SH3TC2: variants seen among roughly 807,000 people sequenced by gnomAD.
The protein encoded by SH3TC2 is SH3 domain and tetratricopeptide repeats 2, also known as SH3 domain and tetratricopeptide repeat-containing protein 2.
Under a neutral mutation model 124.5 loss-of-function variants are expected in SH3TC2, and 87 were observed. That is an observed-to-expected ratio of 0.70 (90% CI 0.59 to 0.84). The LOEUF (loss-of-function observed/expected upper bound fraction) is 0.84. SH3TC2 is among the 40% of genes least tolerant of loss of function. The probability of loss-of-function intolerance (pLI) is 0.00; values close to 1 mark genes in which losing one functional copy is unlikely to be tolerated. For synonymous variants in SH3TC2, 634 were observed against 628.5 expected (o/e 1.01, Z -0.13); for missense variants, 1,536 against 1,566.4 (o/e 0.98, Z 0.33).
intron 2 of SH3TC2, among the ~76,000 whole-genome samples, chr5:149,050,692 G>GA (rs1345617264): frequency 6.6e-6 from 1 of 152,172 alleles, no homozygotes; most frequent in African/African-American, 2.4e-5. Context: ...GACAGAATTT[G>GA]AAATTGGGCT....
At position 148,999,497 on chromosome 5, in the gene SH3TC2, C is replaced by T. The variant is rs941357999; in HGVS notation, c.*5214G>A. On this transcript the variant is annotated 3_prime_UTR_variant, in exon 17 of 17. Transcript: ENST00000515425. ...TCCCTTGAATTTCTTCCTTCTTTGC[C>T]GCTTGTCCACACATCTCAATGGGAG... 2.6e-5 allele frequency among the ~76,000 whole-genome samples: 4 copies of T among 152,114 alleles called. No individual in the cohort carries two copies. Among genetic ancestry groups the T allele is most frequent in the African/African-American group, 4.8e-5 (2 of 41,422 alleles).
chr5:149,004,802 T>C lies in SH3TC2; in HGVS notation c.3776A>G (p.Asn1259Ser). The change falls in exon 17 of 17, where the codon AAC becomes AGC. Residue 1259 changes from asparagine to serine, a missense_variant. Asn to Ser is a conservative substitution (Grantham distance 46, BLOSUM62 1). Coordinates refer to ENST00000515425, the MANE Select transcript of SH3TC2 (RefSeq NM_024577.4). ...LQDTIRSRLDNICQSPLWHSR... is the reference protein window; with the variant it reads ...LQDTIRSRLDSICQSPLWHSR... Reference sequence around the variant, plus strand: ...GTGCCACAGGGGGCTCTGGCAGATGTTGTCCAGCCTGCTCCTAATGGTGTC... The same window carrying C: ...GTGCCACAGGGGGCTCTGGCAGATGCTGTCCAGCCTGCTCCTAATGGTGTC... 6.2e-7 allele frequency: 1 copy of C among 1,614,110 alleles called. No individual in the cohort carries two copies. Among genetic ancestry groups the C allele is most frequent in the Non-Finnish European group, 8.5e-7 (1 of 1,180,020 alleles).
rs752622562 is a variant in SH3TC2 at position 149,012,669 on chromosome 5, G to C, written c.3119C>G (p.Thr1040Arg). The C allele has an allele frequency of 1.1e-5, 17 of 1,614,180 alleles. No homozygotes were observed. In the East Asian group the frequency reaches 3.8e-4, roughly 36 times the overall value. The change falls in exon 13 of 17, where the codon ACA becomes AGA. Residue 1040 changes from threonine (T) to arginine (R), a missense_variant. Thr to Arg is a moderately conservative substitution (Grantham distance 71). Around this residue, in one of 3 missense-constraint regions of SH3TC2, gnomAD observed 426 missense variants for 443.5 expected, o/e 0.96. Coordinates refer to ENST00000515425, the MANE Select transcript of SH3TC2 (RefSeq NM_024577.4). ...SLRIFIDLGETDKAAEAWLGA... is the reference protein window; with the variant it reads ...SLRIFIDLGERDKAAEAWLGA... ...AAGCCAGGCCTCAGCAGCCTTGTCT[G>C]TCTCCCCCAGGTCAATGAAGATACG...
At position 148,986,542 on chromosome 5, in the gene SH3TC2, C is replaced by G. The variant is rs916474829; in HGVS notation, c.*18169G>C. Among the ~76,000 whole-genome samples the G allele has an allele frequency of 1.4e-4, 22 of 152,216 alleles. No individual in the cohort carries two copies. Among genetic ancestry groups the G allele is most frequent in the Admixed American group, 3.9e-4 (6 of 15,282 alleles). Reference sequence around the variant, plus strand: ...AGTTAAGATCTGCCAGGGTAGCAACCTCCATCAACTACATTGCTTAGAATG... The same window carrying G: ...AGTTAAGATCTGCCAGGGTAGCAACGTCCATCAACTACATTGCTTAGAATG... On this transcript the variant is annotated 3_prime_UTR_variant, in exon 17 of 17. Coordinates refer to ENST00000515425, the MANE Select transcript of SH3TC2 (RefSeq NM_024577.4).
chr5:149,005,527 C>T (rs141515807), intron 16 of SH3TC2, among the ~76,000 whole-genome samples: 1 of 152,108 alleles, frequency 6.6e-6, no homozygotes, highest in African/African-American at 2.4e-5. Flanking sequence ...CTTTACAATC[C>T]GTGGAGTTCT....
rs1202867356 is a variant in SH3TC2 at position 148,998,002 on chromosome 5, G to A, written c.*6709C>T. 6.6e-6 allele frequency among the ~76,000 whole-genome samples: 1 copy of A among 152,134 alleles called. No individual in the cohort carries two copies. Among genetic ancestry groups the A allele is most frequent in the Non-Finnish European group, 1.5e-5 (1 of 68,022 alleles). ...TACATAGAAAAGAACAAAGGCTGGA[G>A]CCCTCCTGCACTTTTTTAGAGACCA... On this transcript the variant is annotated 3_prime_UTR_variant, in exon 17 of 17. Coordinates refer to ENST00000515425, the MANE Select transcript of SH3TC2 (RefSeq NM_024577.4).
intron 13 of SH3TC2, 30 bp downstream of exon 13, chr5:149,012,554 A>G: frequency 6.2e-7 from 1 of 1,613,970 alleles, no homozygotes; most frequent in Non-Finnish European, 8.5e-7. Context: ...CCAAGTCAAC[A>G]ACTCCCAGAG....
chr5:149,033,877 C>T (rs1032265677), intron 8 of SH3TC2, among the ~76,000 whole-genome samples: 2 of 152,154 alleles, frequency 1.3e-5, no homozygotes, highest in Non-Finnish European at 2.9e-5. Flanking sequence ...GAAGCAAATG[C>T]AAAACCTAGT....
chr5:149,052,703 T>C (rs1754578680), intron 1 of SH3TC2, among the ~76,000 whole-genome samples: 1 of 152,216 alleles, frequency 6.6e-6, no homozygotes, highest in Non-Finnish European at 1.5e-5. Flanking sequence ...AGCTGTCCTG[T>C]CTGCCCCTTA....
In SH3TC2 at chr5:149,027,219, A is replaced by G. The variant is rs746454599; in HGVS notation, c.2513T>C (p.Ile838Thr). 2 of 1,614,214 alleles carry G rather than the reference A, an allele frequency of 1.2e-6. No individual in the cohort carries two copies. Among genetic ancestry groups the G allele is most frequent in the South Asian group, 2.2e-5 (2 of 91,090 alleles). ...GAGTGCAAGTCCCAGGAGGTTATAG[A>G]TGACTCCCCTTTGAGTGAGACTCTC... ...ETESLTQRGVIYNLLGLALQG... is the reference protein window; with the variant it reads ...ETESLTQRGVTYNLLGLALQG... Residue 838 changes from isoleucine (I) to threonine (T), a missense_variant, in exon 11 of 17, where the codon ATC (isoleucine) becomes ACC (threonine). Around this residue, in one of 3 missense-constraint regions of SH3TC2, gnomAD observed 1,102 missense variants for 1,098.6 expected, o/e 1.00. Transcript: ENST00000515425.
rs1293958398 is a variant in SH3TC2, at chr5:149,027,831, C to G, written c.1901G>C (p.Arg634Thr). The G allele has an allele frequency of 4.3e-6, 7 of 1,613,758 alleles. No individual in the cohort carries two copies. The African/African-American group carries it at 9.3e-5, about 22-fold the overall frequency. ...IVVGSSPLEA[R>T]ACFLAIRLLL... ...CAAGCGGATGGCCAGAAAGCAGGCC[C>G]TGGCCTCCAGCGGGCTGCTGCCCAC... The change falls in exon 11 of 17, where the codon AGG (arginine) becomes ACG (threonine). Residue 634 changes from arginine to threonine, a missense_variant. Transcript: ENST00000515425.
At position 148,982,202 on chromosome 5, in the gene SH3TC2, C is replaced by G. The variant is rs1238121646; in HGVS notation, c.*22509G>C. ...GTTTAAATTTTAAAACATTGAGATA[C>G]CACCTCACAACTATTAAACACTCAA... On this transcript the variant is annotated 3_prime_UTR_variant, in exon 17 of 17. Coordinates refer to ENST00000515425, the MANE Select transcript of SH3TC2 (RefSeq NM_024577.4). Among the ~76,000 whole-genome samples, 1 of 151,840 alleles carries G rather than the reference C, an allele frequency of 6.6e-6. No individual in the cohort carries two copies. Among genetic ancestry groups the G allele is most frequent in the East Asian group, 1.9e-4 (1 of 5,160 alleles).
intron 8 of SH3TC2, chr5:149,035,439 C>A (rs183532625): frequency 6.5e-6 from 1 of 152,688 alleles, no homozygotes; most frequent in Non-Finnish European, 1.5e-5. Flanking sequence ...CTTCTCAGAC[C>A]CTGACACCCA....
chr5:148,987,328 A>G lies in SH3TC2; in HGVS notation c.*17383T>C, dbSNP rs562472169. On this transcript the variant is annotated 3_prime_UTR_variant, in exon 17 of 17. Transcript: ENST00000515425. Reference sequence around the variant, plus strand: ...CAAGTGCCAAGAGGACAAGAACTTTATAAGTTTTTTTCATTGATCTATTGC... The same window carrying G: ...CAAGTGCCAAGAGGACAAGAACTTTGTAAGTTTTTTTCATTGATCTATTGC... Among the ~76,000 whole-genome samples the G allele has an allele frequency of 6.6e-6, 1 of 152,222 alleles. No homozygotes were observed. The highest frequency in any genetic ancestry group is 1.5e-5 in the Non-Finnish European group (1 of 68,030).
At position 149,000,222 on chromosome 5, in the gene SH3TC2, C is replaced by A. The variant is rs1753575947; in HGVS notation, c.*4489G>T. On this transcript the variant is annotated 3_prime_UTR_variant, in exon 17 of 17. Transcript: ENST00000515425. ...GTCACCCAGCTGAATCCCCACTTCC[C>A]TGAAATGTGTGCCCAAACCTGGCAT... Among the ~76,000 whole-genome samples the A allele has an allele frequency of 6.6e-6, 1 of 152,192 alleles. No homozygotes were observed. The highest frequency in any genetic ancestry group is 1.5e-5 in the Non-Finnish European group (1 of 68,036).
rs1355286432 is a variant in SH3TC2 at position 149,021,884 on chromosome 5, C to CAAGAAATTGAAGAGGAAGGAATA, written c.3053+4687_3053+4688insTATTCCTTCCTCTTCAATTTCTT. On this transcript the variant is annotated intron_variant, in intron 12 of 16. Coordinates refer to ENST00000515425, the MANE Select transcript of SH3TC2 (RefSeq NM_024577.4). ...AACACCAATCCTTCACAAACTCTTT[C>CAAGAAATTGAAGAGGAAGGAATA]TTTTTTTTTTTTTTTTTTTTTTTTT... Among the ~76,000 whole-genome samples the CAAGAAATTGAAGAGGAAGGAATA allele has an allele frequency of 2.6e-3, 85 of 32,834 alleles. 3 individuals are homozygous for CAAGAAATTGAAGAGGAAGGAATA. Among genetic ancestry groups the CAAGAAATTGAAGAGGAAGGAATA allele is most frequent in the Middle Eastern group, 0.02 (1 of 50 alleles). 21.5% of individuals were successfully genotyped at this position (32,834 alleles called of 152,430 possible).
rs972199314 is a variant in SH3TC2, at chr5:149,003,781, T to C, written c.*930A>G. On this transcript the variant is annotated 3_prime_UTR_variant, in exon 17 of 17. Transcript: ENST00000515425. ...CTGGAGGATCACTTGAGCCCCGGAG[T>C]CTGAGGTCGCAGGAAGCCCTGACTG... 1.4e-5 allele frequency: 6 copies of C among 442,180 alleles called. No individual in the cohort carries two copies. The highest frequency in any genetic ancestry group is 2.2e-5 in the Non-Finnish European group (5 of 222,936). The allele number at this position is 442,180 out of a possible 1,614,324, so 27.4% of individuals were successfully genotyped here.
In SH3TC2 at chr5:148,990,300, C is replaced by T. The variant is rs143623684; in HGVS notation, c.*14411G>A. On this transcript the variant is annotated 3_prime_UTR_variant, in exon 17 of 17. Coordinates refer to ENST00000515425, the MANE Select transcript of SH3TC2 (RefSeq NM_024577.4). ...TCTTTAGAAGTACAGATATATGCCT[C>T]TCTGAGCCTTAGTTTCCTTAGTTTG... 0.023 allele frequency among the ~76,000 whole-genome samples: 3,527 copies of T among 151,778 alleles called. 59 individuals carry two copies. The highest frequency in any genetic ancestry group is 0.035 in the Non-Finnish European group (2,403 of 68,010).
rs983439764 is a variant in SH3TC2 at position 148,995,526 on chromosome 5, A to G, written c.*9185T>C. Among the ~76,000 whole-genome samples the G allele has an allele frequency of 6.6e-6, 1 of 152,224 alleles. No individual in the cohort carries two copies. The highest frequency in any genetic ancestry group is 2.4e-5 in the African/African-American group (1 of 41,468). On this transcript the variant is annotated 3_prime_UTR_variant, in exon 17 of 17. Coordinates refer to ENST00000515425, the MANE Select transcript of SH3TC2 (RefSeq NM_024577.4). ...TAAACAAACAAAAATTATGCTTATT[A>G]TTCTCAATAAACTTTTGCTGAATAC...
Sources: gnomAD v4.1 joint callset for allele counts (sites outside exome capture counted in the v4.1 genomes callset) on GRCh38, gnomAD v4.1.1 for gene constraint, gnomAD v4.1.1 regional missense constraint, MANE v1.5 for transcripts, NCBI Gene and HGNC (gene_info 2026-07-23, HGNC 2026-07-21) for gene names.